The following ZFP91 variants were observed in gnomAD, a reference collection of about 807,000 sequenced individuals.
ZFP91 encodes the protein E3 ubiquitin-protein ligase ZFP91.
In ZFP91, 7 loss-of-function variants were observed where a neutral mutation model predicts 63.5. The ratio of observed to expected loss-of-function variants is 0.11; its 90% confidence interval spans 0.06 to 0.21. The LOEUF is 0.21. Ranked by LOEUF, ZFP91 falls within the 10% of genes least tolerant of loss-of-function variation. The pLI, the probability that ZFP91 is intolerant of heterozygous loss-of-function variation, is 1.00. For missense variants in ZFP91, 628 were observed against 736.6 expected (o/e 0.85, Z 1.71); for synonymous variants, 330 against 272.1 (o/e 1.21, Z -2.10).
chr11:58,595,946 A>G (rs1366447759), intron 2 of ZFP91, among the ~76,000 whole-genome samples: 2 of 152,138 alleles, frequency 1.3e-5, no homozygotes, highest in African/African-American at 4.8e-5. Context: ...TCAAGAATGT[A>G]CAGTTGGCCC....
intron 5 of ZFP91, 96 bp from the exon 6 acceptor site, chr11:58,611,508 A>C: frequency 4.1e-6 from 6 of 1,453,784 alleles, no homozygotes; most frequent in Non-Finnish European, 5.5e-6. Context: ...AGGTAGTTTT[A>C]TAACAAATCA....
chr11:58,584,010 G>T (rs1431901842), intron 1 of ZFP91, among the ~76,000 whole-genome samples: 1 of 151,956 alleles, frequency 6.6e-6, no homozygotes, highest in African/African-American at 2.4e-5. Flanking sequence ...AATTTTAGTA[G>T]TAAGTATAGG....
intron 2 of ZFP91, among the ~76,000 whole-genome samples, chr11:58,602,071 C>T (rs1168539839): frequency 6.6e-6 from 1 of 152,030 alleles, no homozygotes; most frequent in African/African-American, 2.4e-5. Flanking sequence ...TACAGACACA[C>T]GCCACCATGC....
intron 2 of ZFP91, among the ~76,000 whole-genome samples, chr11:58,592,816 G>A (rs76410650): frequency 0.03 from 4,545 of 152,222 alleles, 229 homozygotes; most frequent in African/African-American, 0.1. Flanking sequence ...GATTTGTAAA[G>A]AAAAGAGTTT....
At chr11:58,615,980 G>T (rs555071263) in intron 9 of ZFP91, among the ~76,000 whole-genome samples, 1 of 152,290 alleles carries the variant, frequency 6.6e-6, no homozygotes, top group East Asian at 1.9e-4. Flanking sequence ...ACACGGTAAA[G>T]AAATGAATAA....
At chr11:58,582,095 T>G (rs1310272702) in intron 1 of ZFP91, among the ~76,000 whole-genome samples, 1 of 152,220 alleles carries the variant, frequency 6.6e-6, no homozygotes. Context: ...GCAAACTTGT[T>G]TCATCAGTAT....
intron 4 of ZFP91, among the ~76,000 whole-genome samples, 183 bp from the exon 5 acceptor site, chr11:58,610,767 T>A (rs1855646573): frequency 6.6e-6 from 1 of 152,226 alleles, no homozygotes; most frequent in African/African-American, 2.4e-5. Context: ...TTTATGTCTT[T>A]TTAGTTTCAA....
intron 2 of ZFP91, among the ~76,000 whole-genome samples, chr11:58,585,308 T>A (rs1050316121): frequency 6.6e-6 from 1 of 152,144 alleles, no homozygotes; most frequent in African/African-American, 2.4e-5. Context: ...CATTTTCCTT[T>A]AAGTTTGAGT....
chr11:58,585,469 C>G (rs1855190833), intron 2 of ZFP91, among the ~76,000 whole-genome samples: 1 of 152,108 alleles, frequency 6.6e-6, no homozygotes, highest in Non-Finnish European at 1.5e-5. Flanking sequence ...GGACCAGTTG[C>G]TTATTCGTTT....
intron 2 of ZFP91, among the ~76,000 whole-genome samples, chr11:58,598,671 A>G (rs1034039439): frequency 2.6e-5 from 4 of 151,788 alleles, no homozygotes; most frequent in Non-Finnish European, 5.9e-5. Context: ...CTATCTGTTT[A>G]TGATTGTTTA....
chr11:58,596,349 A>G (rs546302315), intron 2 of ZFP91, among the ~76,000 whole-genome samples: 14 of 152,226 alleles, frequency 9.2e-5, no homozygotes, highest in East Asian at 1.9e-4. Flanking sequence ...CAGAAATACA[A>G]TTTCTGCCTG....
At chr11:58,580,015 C>T (rs536265847) in intron 1 of ZFP91, among the ~76,000 whole-genome samples, 4 of 152,150 alleles carry the variant, frequency 2.6e-5, no homozygotes, top group Non-Finnish European at 5.9e-5. Context: ...ATACACAGCC[C>T]GATCATAGCC....
chr11:58,612,357 C>T (rs1287564133), intron 7 of ZFP91, 29 bp downstream of exon 7: 3 of 1,608,132 alleles, frequency 1.9e-6, no homozygotes, highest in Non-Finnish European at 1.7e-6. Flanking sequence ...TACTGTTTTA[C>T]ACCTTATTCC....
chr11:58,617,190 C>T lies in ZFP91; in HGVS notation c.1203-6C>T. On this transcript the variant is annotated splice_polypyrimidine_tract_variant and splice_region_variant and intron_variant, in intron 10 of 10. Coordinates refer to ENST00000316059, the MANE Select transcript of ZFP91 (RefSeq NM_053023.5). The surrounding 1 kb of genome is among the most constrained non-coding windows in gnomAD (Gnocchi z 4.2). The stretch of plus-strand genomic sequence containing the variant: ...GATCAGCCATTTCCTTTTCTCCTCT[C>T]CTTAGATGTGAGATCTGTGGATTTA... The T allele has an allele frequency of 6.4e-7, 1 of 1,574,374 alleles. No homozygotes were observed. Among genetic ancestry groups the T allele is most frequent in the South Asian group, 1.2e-5 (1 of 83,258 alleles).
rs1855678960 is a variant in ZFP91, at chr11:58,612,336, AT to A, written c.908+13del. On this transcript the variant is annotated intron_variant, in intron 7 of 10. Transcript: ENST00000316059. ...ACGTTTACCCAAAAGGAGGTGAGGAATTTTTACCCCTACTGTTTTACACCTT... is the reference window on the plus strand; with the variant it reads ...ACGTTTACCCAAAAGGAGGTGAGGAATTTTACCCCTACTGTTTTACACCTT... The A allele has an allele frequency of 2.5e-6, 4 of 1,613,308 alleles. No homozygotes were observed. The highest frequency in any genetic ancestry group is 3.4e-6 in the Non-Finnish European group (4 of 1,179,568).
chr11:58,612,029 C>G lies in ZFP91; in HGVS notation c.858-249C>G, dbSNP rs963372206. 1.7e-5 allele frequency: 9 copies of G among 533,842 alleles called. No individual in the cohort carries two copies. In the African/African-American group the frequency reaches 1.7e-4, roughly 10 times the overall value. 33.1% of individuals were successfully genotyped at this position (533,842 alleles called of 1,614,324 possible). ...GTAATACATTGAGATTCTTCTAAGTCTTTCATAGTATTGCATAGTTTATGG... is the reference window on the plus strand; with the variant it reads ...GTAATACATTGAGATTCTTCTAAGTGTTTCATAGTATTGCATAGTTTATGG... On this transcript the variant is annotated intron_variant, in intron 6 of 10. Transcript: ENST00000316059.
chr11:58,613,873 G>T (rs988506121), intron 8 of ZFP91, among the ~76,000 whole-genome samples: 2 of 152,080 alleles, frequency 1.3e-5, no homozygotes, highest in Non-Finnish European at 2.9e-5. Context: ...AACAATAGCC[G>T]CTCCTCCTCT....
intron 6 of ZFP91, 69 bp downstream of exon 6, chr11:58,611,807 G>T (rs1565024432): frequency 1.3e-6 from 2 of 1,524,038 alleles, no homozygotes; most frequent in East Asian, 4.6e-5. Context: ...AAGAGTGGGA[G>T]TGTGAGGAAG....
intron 9 of ZFP91, among the ~76,000 whole-genome samples, chr11:58,614,824 C>T (rs979875931): frequency 2.0e-5 from 3 of 152,098 alleles, no homozygotes; most frequent in African/African-American, 7.2e-5. Flanking sequence ...CCCATAGGAA[C>T]TGTCAAAAAG....
Sources: gnomAD v4.1 joint callset for allele counts (sites outside exome capture counted in the v4.1 genomes callset) on GRCh38, gnomAD v4.1.1 for gene constraint, Gnocchi (gnomAD v3.1) non-coding constraint, MANE v1.5 for transcripts, NCBI Gene and HGNC (gene_info 2026-07-23, HGNC 2026-07-21) for gene names.